The following NCOA1 variants were observed in gnomAD, a reference collection of about 807,000 sequenced individuals.
The protein encoded by NCOA1 is Hin-2 protein.
A neutral mutation model predicts 150.9 loss-of-function variants in NCOA1; 35 were observed. That is an observed-to-expected ratio of 0.23 (90% CI 0.18 to 0.31). NCOA1 has a LOEUF of 0.31. Ranked by LOEUF, NCOA1 falls within the 10% of genes least tolerant of loss-of-function variation. NCOA1 has a pLI of 1.00. For missense variants in NCOA1, 1,491 were observed against 1,749.3 expected, an observed-to-expected ratio of 0.85 and a Z score of 2.63; for synonymous variants, 590 against 630.0, an observed-to-expected ratio of 0.94 and a Z score of 0.95.
At position 24,768,015 on chromosome 2, in the gene NCOA1, A is replaced by G; in HGVS notation, c.4156-206A>G. ...GCGTGACCATTCCAATTTTGATTTT[A>G]TTTTTAAAGTGTGAACTTTCCAGAA... On this transcript the variant is annotated intron_variant, in intron 22 of 22. Coordinates refer to ENST00000348332, the MANE Select transcript of NCOA1 (RefSeq NM_003743.5). 2.6e-6 allele frequency: 4 copies of G among 1,552,716 alleles called. No individual in the cohort carries two copies. In the South Asian group the frequency reaches 4.5e-5, roughly 17 times the overall value.
intron 1 of NCOA1, among the ~76,000 whole-genome samples, chr2:24,501,472 A>G (rs1253894781): frequency 6.6e-6 from 1 of 152,222 alleles, no homozygotes; most frequent in Non-Finnish European, 1.5e-5. Context: ...TTTTTGTGTC[A>G]TCAATAAGAA....
At chr2:24,531,307 G>A (rs1197589610) in intron 1 of NCOA1, among the ~76,000 whole-genome samples, 3 of 152,048 alleles carry the variant, frequency 2.0e-5, no homozygotes, top group Non-Finnish European at 4.4e-5. Context: ...TTCACAATTG[G>A]AGAGATATGA....
intron 15 of NCOA1, among the ~76,000 whole-genome samples, chr2:24,727,164 G>T (rs1025847793): frequency 6.7e-6 from 1 of 149,714 alleles, no homozygotes; most frequent in Non-Finnish European, 1.5e-5. Flanking sequence ...AAAAAAAAAG[G>T]GTGGCGGGGA....
intron 1 of NCOA1, among the ~76,000 whole-genome samples, chr2:24,519,652 C>CAAAAAAAAAAAA (rs1014874055): frequency 1.5e-4 from 11 of 72,292 alleles, no homozygotes; most frequent in Middle Eastern, 7.7e-3. Context: ...CCTGTCTCTA[C>CAAAAAAAAAAAA]AAAAAAAAAA....
intron 3 of NCOA1, among the ~76,000 whole-genome samples, chr2:24,616,311 A>G (rs1329465861): frequency 6.6e-6 from 1 of 152,182 alleles, no homozygotes; most frequent in African/African-American, 2.4e-5. Flanking sequence ...TTACCATAGT[A>G]CATAGTTTTA....
At chr2:24,555,146 C>T (rs916734981) in intron 1 of NCOA1, among the ~76,000 whole-genome samples, 8 of 152,004 alleles carry the variant, frequency 5.3e-5, no homozygotes, top group Non-Finnish European at 1.2e-4. Flanking sequence ...TCCCCACAAA[C>T]GTTGATATTT....
chr2:24,748,393 C>T (rs6739983), intron 19 of NCOA1, among the ~76,000 whole-genome samples: 4,216 of 152,148 alleles, frequency 0.028, 63 homozygotes, highest in African/African-American at 0.042. Context: ...AGGCGGATCA[C>T]AAGGTCAGGA....
chr2:24,566,336 T>G lies in NCOA1; in HGVS notation c.-260+1906T>G, dbSNP rs537843063. ...GGTCATCCCATCCTCTCCTCAGCTT[T>G]CAGCAGAGAGGAGACCCTGGAGTGG... On this transcript the variant is annotated intron_variant, in intron 2 of 22. Transcript: ENST00000348332. Among the ~76,000 whole-genome samples the G allele has an allele frequency of 7.9e-5, 12 of 152,098 alleles. No individual in the cohort carries two copies. The South Asian group carries it at 2.5e-3, about 32-fold the overall frequency.
intron 22 of NCOA1, among the ~76,000 whole-genome samples, chr2:24,767,312 A>ACACTTAGATG (rs1467423995): frequency 6.6e-6 from 1 of 152,218 alleles, no homozygotes; most frequent in Non-Finnish European, 1.5e-5. Flanking sequence ...AAAGTTTGAG[A>ACACTTAGATG]CACTTAGATG....
At chr2:24,553,056 G>A (rs150467057) in intron 1 of NCOA1, among the ~76,000 whole-genome samples, 129 of 152,212 alleles carry the variant, frequency 8.5e-4, no homozygotes, top group African/African-American at 3.0e-3. Flanking sequence ...GAGAGCAGAC[G>A]TTCATGTCTC....
intron 19 of NCOA1, among the ~76,000 whole-genome samples, chr2:24,750,378 G>T (rs1191292321): frequency 1.3e-5 from 2 of 152,168 alleles, no homozygotes; most frequent in Non-Finnish European, 2.9e-5. Flanking sequence ...AGACAATGTG[G>T]TGCTGGTACA....
chr2:24,556,163 C>T (rs1225346974), intron 1 of NCOA1: 1 of 152,290 alleles, frequency 6.6e-6, no homozygotes, highest in Admixed American at 6.5e-5. Context: ...CCCCGCCCCC[C>T]TGACAGGCTC....
At position 24,757,713 on chromosome 2, in the gene NCOA1, A is replaced by T. The variant is rs55797001; in HGVS notation, c.3882-260A>T. On this transcript the variant is annotated intron_variant, in intron 20 of 22. Coordinates refer to ENST00000348332, the MANE Select transcript of NCOA1 (RefSeq NM_003743.5). The stretch of plus-strand genomic sequence containing the variant: ...CTTACATGGAAAACTTCCTTTCTTA[A>T]TTATTTAGATGATTGTAGCCTAGCA... Among the ~76,000 whole-genome samples the T allele has an allele frequency of 0.15, 23,176 of 152,066 alleles. 2,150 individuals carry two copies. The highest frequency in any genetic ancestry group is 0.21 in the Non-Finnish European group (14,099 of 67,960).
intron 2 of NCOA1, among the ~76,000 whole-genome samples, chr2:24,573,460 G>A (rs113749622): frequency 7.2e-5 from 11 of 152,018 alleles, no homozygotes; most frequent in Non-Finnish European, 1.2e-4. Flanking sequence ...GTACAAAATC[G>A]AGAATCTCTG....
chr2:24,558,172 C>T (rs1666149263), intron 1 of NCOA1, among the ~76,000 whole-genome samples: 1 of 151,904 alleles, frequency 6.6e-6, no homozygotes, highest in African/African-American at 2.4e-5. Context: ...ACTTTGGTTT[C>T]ATTCTGGATT....
In NCOA1 at chr2:24,691,505, A is replaced by T. The variant is rs759197483; in HGVS notation, c.557A>T (p.Glu186Val). ...GTAAATGGAGTTCCTTGGCCTCAAGAGGCAACACGACGAAATAGCCATACC... is the reference window on the plus strand; with the variant it reads ...GTAAATGGAGTTCCTTGGCCTCAAGTGGCAACACGACGAAATAGCCATACC... Reference protein sequence around the residue: ...SLVNGVPWPQEATRRNSHTFN... With the variant: ...SLVNGVPWPQVATRRNSHTFN... Residue 186 changes from glutamate to valine, a missense_variant, in exon 9 of 23, where the codon GAG (glutamate) becomes GTG (valine). Physicochemically the swap from Glu to Val is moderately radical, Grantham distance 121 (BLOSUM62 -2). Coordinates refer to ENST00000348332, the MANE Select transcript of NCOA1 (RefSeq NM_003743.5). 10 of 1,613,884 alleles carry T rather than the reference A, an allele frequency of 6.2e-6. No homozygotes were observed. The highest frequency in any genetic ancestry group is 8.5e-6 in the Non-Finnish European group (10 of 1,179,946).
chr2:24,596,093 T>C (rs2148345362), intron 3 of NCOA1, among the ~76,000 whole-genome samples: 1 of 152,082 alleles, frequency 6.6e-6, no homozygotes, highest in South Asian at 2.1e-4. Flanking sequence ...TATGGAGATG[T>C]AGGTTTTACT....
chr2:24,555,389 A>G (rs1666030440), intron 1 of NCOA1, among the ~76,000 whole-genome samples: 1 of 152,168 alleles, frequency 6.6e-6, no homozygotes, highest in South Asian at 2.1e-4. Context: ...AATACGGTCC[A>G]TGTTGGTGAA....
At chr2:24,601,622 T>TG (rs1306925094) in intron 3 of NCOA1, among the ~76,000 whole-genome samples, 1 of 151,714 alleles carries the variant, frequency 6.6e-6, no homozygotes, top group East Asian at 1.9e-4. Context: ...CTTTTTTTTT[T>TG]TTTTGTTTTC....
Sources: allele counts gnomAD v4.1 joint callset (sites outside exome capture counted in the v4.1 genomes callset), GRCh38; gene constraint gnomAD v4.1.1; transcripts MANE v1.5; gene names NCBI Gene and HGNC (gene_info 2026-07-23, HGNC 2026-07-21).